Variants in ZFC3H1 observed in about 807,000 individuals in gnomAD.
The protein encoded by ZFC3H1 is zinc finger C3H1-type containing.
ZFC3H1 carries 71 observed loss-of-function variants against 243.7 expected under a neutral mutation model. The ratio of observed to expected loss-of-function variants is 0.29; its 90% CI spans 0.24 to 0.36. The LOEUF (loss-of-function observed/expected upper bound fraction) is 0.36. Among genes scored for constraint, ZFC3H1 ranks in the 10% least tolerant of loss-of-function variants. The pLI is 1.00. For synonymous variants in ZFC3H1, 838 were observed against 813.0 expected (o/e 1.03, Z -0.52); for missense variants, 1,966 against 2,317.1 (o/e 0.85, Z 3.11).
At position 71,627,790 on chromosome 12, in the gene ZFC3H1, C is replaced by A; in HGVS notation, c.4091G>T (p.Trp1364Leu). 1 of 1,613,448 alleles carries A rather than the reference C, an allele frequency of 6.2e-7. No individual in the cohort carries two copies. The highest frequency in any genetic ancestry group is 2.2e-5 in the East Asian group (1 of 44,814). The change falls in exon 21 of 35, where the codon TGG becomes TTG. Residue 1364 changes from tryptophan (W) to leucine (L), a missense_variant. Coordinates refer to ENST00000378743, the MANE Select transcript of ZFC3H1 (RefSeq NM_144982.5). ...CAAGTACTTGTACGCAAGCTTGAGC[C>A]AAAGTTGTACATGAGAAGGATTTTC... ...VLENPSHVQL[W>L]LKLAYKYLNQ...
intron 6 of ZFC3H1, 67 bp from the exon 7 acceptor site, chr12:71,638,582 T>C (rs1174209929): frequency 7.6e-7 from 1 of 1,310,566 alleles, no homozygotes; most frequent in Non-Finnish European, 1.0e-6. Context: ...ATTAAGTTTA[T>C]GTTATGTTTG....
At chr12:71,628,821 C>T in intron 20 of ZFC3H1, 97 bp downstream of exon 20, 1 of 1,375,450 alleles carries the variant, frequency 7.3e-7, no homozygotes, top group Non-Finnish European at 9.5e-7. Flanking sequence ...TTTTTTTAAC[C>T]AGGCAGGCTG....
chr12:71,626,577 T>C (rs751261885), intron 21 of ZFC3H1, 131 bp from the exon 22 acceptor site: 4 of 777,278 alleles, frequency 5.1e-6, no homozygotes, highest in African/African-American at 3.5e-5. Flanking sequence ...GGATCACTTA[T>C]GAAAAGGGGT....
chr12:71,646,106 C>T (rs964524926), intron 3 of ZFC3H1, among the ~76,000 whole-genome samples: 2 of 152,118 alleles, frequency 1.3e-5, no homozygotes, highest in African/African-American at 4.8e-5. Flanking sequence ...TATTGTTAAA[C>T]ATAAAGAAAA....
At chr12:71,623,317 T>A (rs1415997714) in intron 24 of ZFC3H1, 43 bp downstream of exon 24, 1 of 1,464,752 alleles carries the variant, frequency 6.8e-7, no homozygotes, top group Non-Finnish European at 9.3e-7. Flanking sequence ...TAAACACTGA[T>A]GTTATAACAG....
intron 31 of ZFC3H1, among the ~76,000 whole-genome samples, chr12:71,613,017 C>A (rs17227276): frequency 6.6e-6 from 1 of 152,082 alleles, no homozygotes; most frequent in African/African-American, 2.4e-5. Flanking sequence ...TATTCCCTTG[C>A]CGTGGAAAAC....
chr12:71,646,372 T>C (rs1453774458), intron 3 of ZFC3H1, among the ~76,000 whole-genome samples: 2 of 152,194 alleles, frequency 1.3e-5, no homozygotes, highest in East Asian at 1.9e-4. Context: ...ATGAGCCACA[T>C]GTGGCTATCT....
In ZFC3H1 at chr12:71,654,936, A is replaced by T. The variant is rs142312126; in HGVS notation, c.1015+1949T>A. Among the ~76,000 whole-genome samples the T allele has an allele frequency of 6.4e-3, 969 of 152,272 alleles. 42 individuals are homozygous for T. The highest frequency in any genetic ancestry group is 0.022 in the East Asian group (112 of 5,182). On this transcript the variant is annotated intron_variant, in intron 2 of 34. Coordinates refer to ENST00000378743, the MANE Select transcript of ZFC3H1 (RefSeq NM_144982.5). ...AGTCTTTTAGGCAAAAACATCAGAG[A>T]TAAAGTCACTACATAATGACTCAAT...
At chr12:71,636,098 T>C (rs937661507) in intron 9 of ZFC3H1, among the ~76,000 whole-genome samples, 11 of 152,182 alleles carry the variant, frequency 7.2e-5, no homozygotes, top group African/African-American at 2.7e-4. Context: ...AGTGTAGTCA[T>C]TGGTTGGAAA....
Position 71,642,444 on chromosome 12 carries a change from C to G in ZFC3H1, c.1619G>C (p.Ser540Thr). The change falls in exon 6 of 35, where the codon AGT (serine) becomes ACT (threonine). Residue 540 changes from serine to threonine, a missense_variant. Physicochemically the swap from Ser to Thr is moderately conservative, Grantham distance 58. Coordinates refer to ENST00000378743, the MANE Select transcript of ZFC3H1 (RefSeq NM_144982.5). ...EVAMDTDSETSSPAPSPVQPP... is the reference protein window; with the variant it reads ...EVAMDTDSETTSPAPSPVQPP... ...CAAGTTTTGGCTCATACCTGGAGAA[C>G]TGGTTTCACTATCTGTATCCATAGC... 6.2e-7 allele frequency: 1 copy of G among 1,611,824 alleles called. No individual in the cohort carries two copies. The highest frequency in any genetic ancestry group is 8.5e-7 in the Non-Finnish European group (1 of 1,178,990).
At chr12:71,626,703 T>C (rs745588409) in intron 21 of ZFC3H1, among the ~76,000 whole-genome samples, 4 of 152,224 alleles carry the variant, frequency 2.6e-5, no homozygotes, top group African/African-American at 7.2e-5. Context: ...TACAGTGTTA[T>C]AAAACCACTA....
At chr12:71,662,871 A>G (rs1480505987) in intron 1 of ZFC3H1, 142 bp downstream of exon 1, 2 of 884,622 alleles carry the variant, frequency 2.3e-6, no homozygotes, top group East Asian at 2.4e-5. Context: ...GGGAATTACC[A>G]AAGAACAACT....
chr12:71,620,672 C>T (rs74101626), intron 24 of ZFC3H1, among the ~76,000 whole-genome samples: 3,339 of 152,210 alleles, frequency 0.022, 139 homozygotes, highest in African/African-American at 0.075. Context: ...ATTATCTTTT[C>T]ATCTTTCCCT....
Position 71,638,434 on chromosome 12 carries a change from G to A in ZFC3H1, c.1709C>T (p.Pro570Leu). The change falls in exon 7 of 35, where the codon CCA becomes CTA. Residue 570 changes from proline to leucine, a missense_variant. Coordinates refer to ENST00000378743, the MANE Select transcript of ZFC3H1 (RefSeq NM_144982.5). ...CTGACTTACAGAAACCTGAGGTGGT[G>A]GAGGCAAAGAAAGAGATGGTGCTGG... ...FSPAPSLSLP[P>L]PPQVSSLPPL... 1 of 1,612,514 alleles carries A rather than the reference G, an allele frequency of 6.2e-7. No homozygotes were observed. Among genetic ancestry groups the A allele is most frequent in the East Asian group, 2.2e-5 (1 of 44,786 alleles).
At chr12:71,626,675 A>C (rs2137528576) in intron 21 of ZFC3H1, among the ~76,000 whole-genome samples, 1 of 152,378 alleles carries the variant, frequency 6.6e-6, no homozygotes, top group East Asian at 1.9e-4. Context: ...TTCAGTAAGC[A>C]TTTACCACAG....
intron 2 of ZFC3H1, among the ~76,000 whole-genome samples, chr12:71,655,559 C>G (rs1880995211): frequency 2.6e-5 from 4 of 152,030 alleles, no homozygotes; most frequent in Admixed American, 2.6e-4. Flanking sequence ...ATTTTTATAA[C>G]TTCTGTAACT....
At chr12:71,633,481 A>G in intron 12 of ZFC3H1, 43 bp from the exon 13 acceptor site, 1 of 1,466,896 alleles carries the variant, frequency 6.8e-7, no homozygotes, top group Non-Finnish European at 9.1e-7. Context: ...TTTCCCTACA[A>G]GAGCAGACTG....
At chr12:71,626,959 G>C (rs1412260920) in intron 21 of ZFC3H1, among the ~76,000 whole-genome samples, 1 of 152,044 alleles carries the variant, frequency 6.6e-6, no homozygotes, top group Non-Finnish European at 1.5e-5. Context: ...CCTTCACTCA[G>C]TAAATGAGTC....
chr12:71,652,027 G>A (rs895997503), intron 2 of ZFC3H1, among the ~76,000 whole-genome samples: 1 of 152,130 alleles, frequency 6.6e-6, no homozygotes, highest in African/African-American at 2.4e-5. Context: ...CCAATAAGAA[G>A]CAAGCTTGTA....
Sources: allele counts gnomAD v4.1 joint callset (sites outside exome capture counted in the v4.1 genomes callset), GRCh38; gene constraint gnomAD v4.1.1; transcripts MANE v1.5; gene names NCBI Gene and HGNC (gene_info 2026-07-23, HGNC 2026-07-21).